PTPRM: variants seen among roughly 807,000 people sequenced by gnomAD.
PTPRM encodes the protein receptor-type tyrosine-protein phosphatase mu.
Under a neutral mutation model 186.7 loss-of-function variants are expected in PTPRM, and 47 were observed. That is an observed-to-expected ratio of 0.25 (90% confidence interval 0.20 to 0.32). The LOEUF (loss-of-function observed/expected upper bound fraction) is 0.32, where lower values mean the gene tolerates loss of function less well. Ranked by LOEUF, PTPRM falls within the 10% of genes least tolerant of loss-of-function variation. The pLI is 1.00. For missense variants in PTPRM, 1,494 were observed against 1,865.0 expected (o/e 0.80, Z 3.66); for synonymous variants, 668 against 674.9 (o/e 0.99, Z 0.16).
intron 1 of PTPRM, among the ~76,000 whole-genome samples, chr18:7,625,858 G>A (rs139133405): frequency 9.8e-5 from 15 of 152,322 alleles, no homozygotes; most frequent in African/African-American, 3.6e-4. Flanking sequence ...CATCAAGATA[G>A]ACTTCCTCTG....
chr18:7,698,772 T>C (rs2039896451), intron 1 of PTPRM, among the ~76,000 whole-genome samples: 1 of 152,232 alleles, frequency 6.6e-6, no homozygotes, highest in Non-Finnish European at 1.5e-5. Context: ...TCTGTCATTT[T>C]CGTTTTCTCC....
chr18:7,602,118 C>A (rs2037416958), intron 1 of PTPRM, among the ~76,000 whole-genome samples: 1 of 152,144 alleles, frequency 6.6e-6, no homozygotes, highest in Non-Finnish European at 1.5e-5. Flanking sequence ...ACAGAATCAG[C>A]AATGAATTGG....
intron 23 of PTPRM, among the ~76,000 whole-genome samples, chr18:8,367,583 C>T (rs1452944823): frequency 6.6e-6 from 1 of 152,264 alleles, no homozygotes; most frequent in Non-Finnish European, 1.5e-5. Flanking sequence ...GCGGGGGCGC[C>T]CGGCTTCATC....
chr18:7,921,710 T>C lies in PTPRM; in HGVS notation c.548-4858T>C, dbSNP rs78098483. Among the ~76,000 whole-genome samples the C allele has an allele frequency of 3.7e-3, 549 of 148,960 alleles. 3 individuals are homozygous for C. Among genetic ancestry groups the C allele is most frequent in the African/African-American group, 0.013 (532 of 40,060 alleles). On this transcript the variant is annotated intron_variant, in intron 4 of 32. Coordinates refer to ENST00000580170, the MANE Select transcript of PTPRM (RefSeq NM_001105244.2). ...TGAATTTTTTAATTCAGCAAATGTA[T>C]TTCTTAGTTTCAAGATTTCTGTTTT...
intron 14 of PTPRM, 78 bp from the exon 15 acceptor site, chr18:8,243,975 TCCTGA>T: frequency 7.6e-7 from 1 of 1,318,682 alleles, no homozygotes; most frequent in African/African-American, 1.5e-5. Context: ...TAGATGTTAT[TCCTGA>T]ACATCTGTCA....
chr18:7,809,257 A>C (rs1012506819), intron 2 of PTPRM, among the ~76,000 whole-genome samples: 4 of 152,078 alleles, frequency 2.6e-5, no homozygotes, highest in African/African-American at 9.7e-5. Context: ...GCTTGGCCGA[A>C]TTGCTCTGCT....
rs529627231 is a variant in PTPRM, at chr18:7,834,143, G to T, written c.197-53963G>T. ...TTTTTCTATGATTTTTATCATGAAG[G>T]GCTGTTAATTTTACCAAATACTTTT... On this transcript the variant is annotated intron_variant, in intron 2 of 32. Transcript: ENST00000580170. Among the ~76,000 whole-genome samples, 369 of 152,084 alleles carry T rather than the reference G, an allele frequency of 2.4e-3. 1 individual carries two copies. Among genetic ancestry groups the T allele is most frequent in the Non-Finnish European group, 3.9e-3 (267 of 67,986 alleles).
At chr18:8,069,371 G>A (rs1043117501) in intron 7 of PTPRM, among the ~76,000 whole-genome samples, 4 of 152,138 alleles carry the variant, frequency 2.6e-5, no homozygotes, top group African/African-American at 9.7e-5. Context: ...CCAGCTAATA[G>A]GAAATAAGAA....
intron 2 of PTPRM, among the ~76,000 whole-genome samples, chr18:7,868,049 G>A (rs997654495): frequency 2.6e-5 from 4 of 152,062 alleles, no homozygotes; most frequent in African/African-American, 4.8e-5. Context: ...GCTCCATCAG[G>A]TCATTTATGT....
intron 5 of PTPRM, among the ~76,000 whole-genome samples, chr18:7,938,994 C>T (rs1163888597): frequency 6.6e-6 from 1 of 152,150 alleles, no homozygotes; most frequent in Non-Finnish European, 1.5e-5. Context: ...CAAAGGTCAA[C>T]ACTATGTTAA....
intron 14 of PTPRM, 89 bp downstream of exon 14, chr18:8,143,868 T>A (rs1324148442): frequency 1.7e-5 from 25 of 1,495,668 alleles, no homozygotes; most frequent in Middle Eastern, 1.8e-4. Flanking sequence ...GTTACTGAAC[T>A]GGCTTTGATA....
intron 7 of PTPRM, among the ~76,000 whole-genome samples, chr18:8,011,938 G>A (rs546622652): frequency 6.6e-6 from 1 of 152,286 alleles, no homozygotes; most frequent in Admixed American, 6.5e-5. Flanking sequence ...ATAGAAATAG[G>A]TATAAGTTGA....
chr18:8,342,054 G>T (rs571331745), intron 22 of PTPRM, among the ~76,000 whole-genome samples: 1 of 152,288 alleles, frequency 6.6e-6, no homozygotes, highest in African/African-American at 2.4e-5. Flanking sequence ...GTAGTCAGAA[G>T]CGGCAAGGGA....
chr18:8,235,730 C>T (rs1362719539), intron 14 of PTPRM, among the ~76,000 whole-genome samples: 2 of 151,978 alleles, frequency 1.3e-5, no homozygotes, highest in Non-Finnish European at 2.9e-5. Context: ...TCACTCTAAG[C>T]ACCTCTTTTG....
chr18:7,996,798 CA>C (rs202230386), intron 7 of PTPRM, among the ~76,000 whole-genome samples: 20,788 of 117,408 alleles, frequency 0.18, 1,553 homozygotes, highest in African/African-American at 0.26. Flanking sequence ...CAGTAGTTAC[CA>C]AAAAAAAAAA....
intron 1 of PTPRM, among the ~76,000 whole-genome samples, chr18:7,622,322 A>G (rs1598552086): frequency 6.6e-6 from 1 of 151,990 alleles, no homozygotes; most frequent in Non-Finnish European, 1.5e-5. Context: ...GCTTCTAGCT[A>G]CTTCCTCTAC....
chr18:8,352,908 G>A (rs886199696), intron 23 of PTPRM, among the ~76,000 whole-genome samples: 5 of 152,128 alleles, frequency 3.3e-5, no homozygotes, highest in African/African-American at 1.2e-4. Context: ...CTGACCTTGT[G>A]ATCCACCTGC....
intron 2 of PTPRM, among the ~76,000 whole-genome samples, chr18:7,868,467 C>G (rs554563185): frequency 6.6e-6 from 1 of 152,332 alleles, no homozygotes; most frequent in African/African-American, 2.4e-5. Flanking sequence ...TGCTGCAGGT[C>G]TGCTGGAGTT....
chr18:8,277,023 C>T (rs2094844041), intron 19 of PTPRM, among the ~76,000 whole-genome samples: 1 of 151,946 alleles, frequency 6.6e-6, no homozygotes. Context: ...TGCAACCTCC[C>T]CTGCCTGGGT....
Sources: allele counts gnomAD v4.1 joint callset (sites outside exome capture counted in the v4.1 genomes callset), GRCh38; gene constraint gnomAD v4.1.1; transcripts MANE v1.5; gene names NCBI Gene and HGNC (gene_info 2026-07-23, HGNC 2026-07-21).